The following ENTPD6 variants were observed in gnomAD, a reference collection of about 807,000 sequenced individuals.
ENTPD6 encodes the protein CD39 antigen-like 2.
ENTPD6 carries 46 observed loss-of-function variants against 61.5 expected under a neutral mutation model. The ratio of observed to expected loss-of-function variants is 0.75; its 90% CI spans 0.59 to 0.96. The LOEUF (loss-of-function observed/expected upper bound fraction) is 0.96. Among genes scored for constraint, ENTPD6 ranks in the 40% least tolerant of loss-of-function variants. ENTPD6 has a pLI of 0.00. For synonymous variants in ENTPD6, 252 were observed against 255.5 expected (o/e 0.99, Z 0.13); for missense variants, 612 against 629.0 (o/e 0.97, Z 0.29).
chr20:25,206,521 G>T lies in ENTPD6; in HGVS notation c.-15-1G>T. The stretch of plus-strand genomic sequence containing the variant: ...CACAGACATTATTTTCTCCTTGGCA[G>T]GAATGGGCTATGTGAATGAAAAAAG... On this transcript the variant is annotated splice_acceptor_variant, in intron 1 of 14. Coordinates refer to ENST00000376652, the MANE Select transcript of ENTPD6 (RefSeq NM_001247.5). LOFTEE classifies it low-confidence loss of function (5UTR_SPLICE). 1 of 1,611,418 alleles carries T rather than the reference G, an allele frequency of 6.2e-7. No homozygotes were observed. Among genetic ancestry groups the T allele is most frequent in the Admixed American group, 1.7e-5 (1 of 60,022 alleles).
intron 8 of ENTPD6, 84 bp from the exon 9 acceptor site, chr20:25,217,418 C>G (rs1434287746): frequency 5.2e-6 from 7 of 1,337,020 alleles, no homozygotes; most frequent in Non-Finnish European, 7.5e-6. Context: ...TGACCATCCC[C>G]TTTCTTTCAA....
intron 4 of ENTPD6, among the ~76,000 whole-genome samples, chr20:25,212,964 C>T (rs2092077633): frequency 1.3e-5 from 2 of 152,228 alleles, no homozygotes; most frequent in African/African-American, 4.8e-5. Flanking sequence ...CTTGGCCTCC[C>T]AAAGTGCTGA....
At chr20:25,213,229 G>T in intron 4 of ENTPD6, 34 bp from the exon 5 acceptor site, 1 of 1,613,990 alleles carries the variant, frequency 6.2e-7, no homozygotes, top group South Asian at 1.1e-5. Flanking sequence ...TGCTGCACTT[G>T]ACAGACCCTG....
intron 12 of ENTPD6, 49 bp downstream of exon 12, chr20:25,223,027 C>CGGGG: frequency 6.1e-6 from 3 of 490,318 alleles, no homozygotes; most frequent in Non-Finnish European, 6.4e-6. Context: ...CGGCAGGGGG[C>CGGGG]GGGGGTGGAG....
chr20:25,215,055 T>C, intron 6 of ENTPD6, 113 bp downstream of exon 6: 1 of 690,400 alleles, frequency 1.4e-6, no homozygotes, highest in Non-Finnish European at 2.6e-6. Context: ...GGGAGCCTCC[T>C]CCCCCGTCCG....
intron 10 of ENTPD6, among the ~76,000 whole-genome samples, chr20:25,220,259 G>A (rs1040267936): frequency 3.3e-5 from 5 of 152,230 alleles, no homozygotes; most frequent in African/African-American, 1.2e-4. Context: ...GGCTCATCTG[G>A]GCAGCACCTC....
chr20:25,198,526 G>A (rs993502935), intron 1 of ENTPD6, among the ~76,000 whole-genome samples: 2 of 151,884 alleles, frequency 1.3e-5, no homozygotes, highest in African/African-American at 4.8e-5. Flanking sequence ...TTTATTAAAC[G>A]TATTCACAGT....
rs1188727057 is a variant in ENTPD6 at position 25,216,692 on chromosome 20, T to A, written c.754T>A (p.Leu252Met). ...AGGGAGCAGCGTGGGCATGCTGGAC[T>A]TGGGCGGAGGATCCACTCAGATCGC... ...PGGSSVGMLDLGGGSTQIAFL... is the reference protein window; with the variant it reads ...PGGSSVGMLDMGGGSTQIAFL... Residue 252 changes from leucine to methionine, a missense_variant, in exon 8 of 15, where the codon TTG (leucine) becomes ATG (methionine). Leu to Met is a conservative substitution (Grantham distance 15). Transcript: ENST00000376652. 6.2e-7 allele frequency: 1 copy of A among 1,608,064 alleles called. No homozygotes were observed. Among genetic ancestry groups the A allele is most frequent in the African/African-American group, 1.3e-5 (1 of 74,866 alleles).
intron 1 of ENTPD6, among the ~76,000 whole-genome samples, chr20:25,203,624 CAT>C (rs1422788602): frequency 1.3e-5 from 2 of 152,166 alleles, no homozygotes; most frequent in Non-Finnish European, 2.9e-5. Context: ...ATTTTGTTGT[CAT>C]ATGTTATTTT....
chr20:25,213,221 C>T, intron 4 of ENTPD6, 42 bp from the exon 5 acceptor site: 1 of 1,613,500 alleles, frequency 6.2e-7, no homozygotes, highest in Non-Finnish European at 8.5e-7. Flanking sequence ...ACCCTGTATG[C>T]TGCACTTGAC....
chr20:25,214,801 C>CTAAA (rs1405901912), intron 5 of ENTPD6, 66 bp from the exon 6 acceptor site: 3 of 1,014,260 alleles, frequency 3.0e-6, no homozygotes, highest in Non-Finnish European at 4.7e-6. Flanking sequence ...AGCTAGCTAG[C>CTAAA]TAAATAAATA....
rs1341796797 is a variant in ENTPD6, at chr20:25,213,333, C to T, written c.524C>T (p.Thr175Ile). Residue 175 changes from threonine (T) to isoleucine (I), a missense_variant, in exon 5 of 15, where the codon ACC becomes ATC. Physicochemically the swap from Thr to Ile is moderately conservative, Grantham distance 89 (BLOSUM62 -1). Transcript: ENST00000376652. ...QDIPFDFWKATPLVLKATAGL... is the reference protein window; with the variant it reads ...QDIPFDFWKAIPLVLKATAGL... ...ATTCCGTTCGACTTCTGGAAGGCCA[C>T]CCCTCTGGTCCTCAAGGCCACAGCT... 1.9e-6 allele frequency: 3 copies of T among 1,614,070 alleles called. No homozygotes were observed. Among genetic ancestry groups the T allele is most frequent in the Middle Eastern group, 1.6e-4 (1 of 6,084 alleles).
At chr20:25,209,251 A>T (rs1163634399) in intron 3 of ENTPD6, among the ~76,000 whole-genome samples, 1 of 151,848 alleles carries the variant, frequency 6.6e-6, no homozygotes, top group Non-Finnish European at 1.5e-5. Context: ...CTGGGACTAC[A>T]GGCGCCCGCC....
intron 6 of ENTPD6, 34 bp from the exon 7 acceptor site, chr20:25,215,641 GT>G: frequency 6.2e-7 from 1 of 1,612,778 alleles, no homozygotes; most frequent in South Asian, 1.1e-5. Context: ...AGCATCTCAA[GT>G]GATTAAAATA....
chr20:25,196,325 G>A, intron 1 of ENTPD6: 3 of 773,962 alleles, frequency 3.9e-6, no homozygotes, highest in South Asian at 1.2e-4. Flanking sequence ...GTGGTGTCCC[G>A]AGGAGCTCAT....
rs2092818454 is a variant in ENTPD6, at chr20:25,227,631, G to A, written c.*2034G>A. ...CTTGAAAATTCTGTTCCCTCAGGATGTGTGCATTGACAAGCTCAGACAGGT... is the reference window on the plus strand; with the variant it reads ...CTTGAAAATTCTGTTCCCTCAGGATATGTGCATTGACAAGCTCAGACAGGT... On this transcript the variant is annotated 3_prime_UTR_variant, in exon 15 of 15. Coordinates refer to ENST00000376652, the MANE Select transcript of ENTPD6 (RefSeq NM_001247.5). Among the ~76,000 whole-genome samples, 1 of 152,234 alleles carries A rather than the reference G, an allele frequency of 6.6e-6. No individual in the cohort carries two copies. Among genetic ancestry groups the A allele is most frequent in the Non-Finnish European group, 1.5e-5 (1 of 68,044 alleles).
rs2091512185 is a variant in ENTPD6, at chr20:25,206,516, T to G, written c.-15-6T>G. ...AAGTACACAGACATTATTTTCTCCT[T>G]GGCAGGAATGGGCTATGTGAATGAA... On this transcript the variant is annotated splice_region_variant and splice_polypyrimidine_tract_variant and intron_variant, in intron 1 of 14. Coordinates refer to ENST00000376652, the MANE Select transcript of ENTPD6 (RefSeq NM_001247.5). 1.2e-6 allele frequency: 2 copies of G among 1,608,164 alleles called. No individual in the cohort carries two copies. Among genetic ancestry groups the G allele is most frequent in the African/African-American group, 1.3e-5 (1 of 74,838 alleles).
chr20:25,220,466 G>A (rs1302770294), intron 10 of ENTPD6, among the ~76,000 whole-genome samples: 1 of 151,520 alleles, frequency 6.6e-6, no homozygotes, highest in Non-Finnish European at 1.5e-5. Context: ...GGTCCTGGGG[G>A]TCTGTGCACA....
At position 25,217,490 on chromosome 20, in the gene ENTPD6, G is replaced by T. The variant is rs1442433290; in HGVS notation, c.799-12G>T. The T allele has an allele frequency of 1.9e-6, 3 of 1,613,472 alleles. No individual in the cohort carries two copies. In the Admixed American group the frequency reaches 5.0e-5, roughly 27 times the overall value. On this transcript the variant is annotated splice_polypyrimidine_tract_variant and intron_variant, in intron 8 of 14. Coordinates refer to ENST00000376652, the MANE Select transcript of ENTPD6 (RefSeq NM_001247.5). Reference sequence around the variant, plus strand: ...ACCAGCAGGAAACATAGTTACCCTCGTTCTTCTCCAGGGCACCCTGCAGGC... The same window carrying T: ...ACCAGCAGGAAACATAGTTACCCTCTTTCTTCTCCAGGGCACCCTGCAGGC...
Sources: gnomAD v4.1 joint callset for allele counts (sites outside exome capture counted in the v4.1 genomes callset) on GRCh38, gnomAD v4.1.1 for gene constraint, MANE v1.5 for transcripts, NCBI Gene and HGNC (gene_info 2026-07-23, HGNC 2026-07-21) for gene names.